Variants in DMRT1 observed in about 807,000 individuals in gnomAD.
DMRT1 encodes doublesex- and mab-3-related transcription factor 1.
Under a neutral mutation model 32.3 loss-of-function variants are expected in DMRT1, and 7 were observed. That is an observed-to-expected ratio of 0.22 (90% CI 0.12 to 0.41). DMRT1 has a LOEUF of 0.41. Ranked by LOEUF, DMRT1 falls within the 10% of genes least tolerant of loss-of-function variation. The pLI is 1.00. For synonymous variants in DMRT1, 278 were observed against 206.1 expected (o/e 1.35, Z -2.99); for missense variants, 625 against 500.5 (o/e 1.25, Z -2.37).
At chr9:877,510 A>T (rs778846640) in intron 2 of DMRT1, among the ~76,000 whole-genome samples, 1 of 152,172 alleles carries the variant, frequency 6.6e-6, no homozygotes, top group South Asian at 2.1e-4. Flanking sequence ...GCACTTTTTG[A>T]TGTAGCACTA....
chr9:940,412 G>C (rs1421429772), intron 4 of DMRT1, among the ~76,000 whole-genome samples: 2 of 152,032 alleles, frequency 1.3e-5, no homozygotes, highest in Non-Finnish European at 2.9e-5. Context: ...CCACATGTAT[G>C]GTCAAATGAT....
chr9:925,985 T>A (rs914490298), intron 4 of DMRT1, among the ~76,000 whole-genome samples: 2 of 152,164 alleles, frequency 1.3e-5, no homozygotes, highest in African/African-American at 2.4e-5. Context: ...CACTTGGGAA[T>A]GTTCTATTTG....
At chr9:879,836 G>C (rs1291279836) in intron 2 of DMRT1, among the ~76,000 whole-genome samples, 1 of 152,110 alleles carries the variant, frequency 6.6e-6, no homozygotes, top group Non-Finnish European at 1.5e-5. Context: ...TTATGCATTG[G>C]TCATTTGGGA....
At chr9:869,808 C>T (rs1299702074) in intron 2 of DMRT1, among the ~76,000 whole-genome samples, 1 of 151,986 alleles carries the variant, frequency 6.6e-6, no homozygotes, top group African/African-American at 2.4e-5. Context: ...GTCTTTTCTC[C>T]TCTTCTCCCC....
intron 2 of DMRT1, among the ~76,000 whole-genome samples, chr9:885,317 T>A (rs1245828523): frequency 6.6e-6 from 1 of 152,218 alleles, no homozygotes; most frequent in East Asian, 1.9e-4. Flanking sequence ...TATCCCCTGG[T>A]TCTTGCCTTG....
At chr9:879,144 C>T (rs1181244685) in intron 2 of DMRT1, among the ~76,000 whole-genome samples, 1 of 152,098 alleles carries the variant, frequency 6.6e-6, no homozygotes, top group Non-Finnish European at 1.5e-5. Context: ...AAATCAGTCC[C>T]CCTAAAAAGA....
chr9:967,189 C>G (rs1408078175), intron 4 of DMRT1, among the ~76,000 whole-genome samples: 1 of 152,190 alleles, frequency 6.6e-6, no homozygotes, highest in African/African-American at 2.4e-5. Context: ...GATCTAAACT[C>G]AGCTAAGGTT....
At chr9:928,107 A>T (rs1305822679) in intron 4 of DMRT1, among the ~76,000 whole-genome samples, 1 of 152,158 alleles carries the variant, frequency 6.6e-6, no homozygotes, top group Non-Finnish European at 1.5e-5. Flanking sequence ...TGCTTCCAAG[A>T]GATTGATGGT....
intron 1 of DMRT1, among the ~76,000 whole-genome samples, chr9:846,031 CTTTT>C (rs370176937): frequency 1.5e-5 from 2 of 132,964 alleles, no homozygotes; most frequent in Admixed American, 7.6e-5. Flanking sequence ...CTGTTTTTGC[CTTTT>C]TTTTTTTTTT....
At chr9:862,864 C>A (rs931003885) in intron 2 of DMRT1, among the ~76,000 whole-genome samples, 1 of 151,986 alleles carries the variant, frequency 6.6e-6, no homozygotes, top group Non-Finnish European at 1.5e-5. Context: ...TAACGGCCTC[C>A]CAAAAGATGC....
intron 2 of DMRT1, among the ~76,000 whole-genome samples, chr9:869,307 A>AGG (rs1816129289): frequency 6.6e-6 from 1 of 152,064 alleles, no homozygotes; most frequent in Admixed American, 6.6e-5. Flanking sequence ...AGAAATAAAA[A>AGG]TGTGGCTCAA....
intron 4 of DMRT1, among the ~76,000 whole-genome samples, chr9:924,041 T>C (rs942080056): frequency 5.9e-5 from 9 of 151,272 alleles, no homozygotes; most frequent in African/African-American, 1.9e-4. Context: ...GGTCCCCAGC[T>C]CTGGAGCCAG....
chr9:882,680 A>T (rs548753639), intron 2 of DMRT1, among the ~76,000 whole-genome samples: 187 of 148,340 alleles, frequency 1.3e-3, no homozygotes, highest in African/African-American at 4.6e-3. Context: ...GCTCAGCCTC[A>T]TGTTTGTATT....
intron 4 of DMRT1, among the ~76,000 whole-genome samples, chr9:918,611 A>G (rs1024167567): frequency 2.0e-5 from 3 of 152,200 alleles, no homozygotes; most frequent in Non-Finnish European, 4.4e-5. Flanking sequence ...TTTTCTGGCC[A>G]TGTGTTTATT....
chr9:908,942 C>T lies in DMRT1; in HGVS notation c.823-7821C>T, dbSNP rs545290360. 2.0e-5 allele frequency among the ~76,000 whole-genome samples: 3 copies of T among 152,198 alleles called. No homozygotes were observed. The East Asian group carries it at 5.8e-4, about 29-fold the overall frequency. On this transcript the variant is annotated intron_variant, in intron 3 of 4. Transcript: ENST00000382276. ...AGCCCCAGCCCCACGCTTAGCACAG[C>T]AGCTTCACCCCTCCCCTGTCCACCC...
intron 3 of DMRT1, among the ~76,000 whole-genome samples, chr9:916,036 A>G (rs1818169033): frequency 6.6e-6 from 1 of 151,974 alleles, no homozygotes; most frequent in East Asian, 1.9e-4. Flanking sequence ...TCCAGCCTAT[A>G]GTCATTTTAA....
intron 4 of DMRT1, among the ~76,000 whole-genome samples, chr9:945,311 G>A (rs576211605): frequency 6.6e-6 from 1 of 152,032 alleles, no homozygotes; most frequent in Non-Finnish European, 1.5e-5. Flanking sequence ...CTGCCATCAC[G>A]CCTGGCTAAT....
intron 3 of DMRT1, among the ~76,000 whole-genome samples, chr9:912,369 A>G (rs1818020873): frequency 6.6e-6 from 1 of 152,014 alleles, no homozygotes; most frequent in Middle Eastern, 3.2e-3. Context: ...ATGGAGTCTG[A>G]CCCTTTGTAT....
chr9:925,873 G>A (rs1818507286), intron 4 of DMRT1, among the ~76,000 whole-genome samples: 1 of 152,224 alleles, frequency 6.6e-6, no homozygotes, highest in Non-Finnish European at 1.5e-5. Flanking sequence ...CTGAAGCTCA[G>A]TGATGATGCT....
Sources: gnomAD v4.1 joint callset for allele counts (sites outside exome capture counted in the v4.1 genomes callset) on GRCh38, gnomAD v4.1.1 for gene constraint, MANE v1.5 for transcripts, NCBI Gene and HGNC (gene_info 2026-07-23, HGNC 2026-07-21) for gene names.